The following NEO1 variants were observed in gnomAD, a reference collection of about 807,000 sequenced individuals.
NEO1 encodes the protein neogenin.
In NEO1, 63 loss-of-function variants were observed where a neutral mutation model predicts 159.7. The ratio of observed to expected loss-of-function variants is 0.39; its 90% CI spans 0.32 to 0.49. The LOEUF is 0.49. Ranked by LOEUF, NEO1 falls within the 20% of genes least tolerant of loss-of-function variation. NEO1 has a pLI of 0.85. For synonymous variants in NEO1, 633 were observed against 662.0 expected (o/e 0.96, Z 0.67); for missense variants, 1,615 against 1,831.0 (o/e 0.88, Z 2.15).
intron 7 of NEO1, among the ~76,000 whole-genome samples, chr15:73,184,133 A>G (rs930311324): frequency 3.3e-5 from 5 of 152,152 alleles, no homozygotes; most frequent in East Asian, 1.9e-4. Context: ...TTCATTCTTT[A>G]TATACCTTTT....
intron 7 of NEO1, among the ~76,000 whole-genome samples, chr15:73,199,284 C>G (rs968076457): frequency 6.6e-6 from 1 of 151,550 alleles, no homozygotes; most frequent in Non-Finnish European, 1.5e-5. Flanking sequence ...AGGGCACATG[C>G]TCTCAACGTG....
intron 16 of NEO1, among the ~76,000 whole-genome samples, chr15:73,266,691 T>C (rs954156789): frequency 6.6e-6 from 1 of 152,128 alleles, no homozygotes; most frequent in Non-Finnish European, 1.5e-5. Flanking sequence ...TTTAGATAAT[T>C]AAAAGTGATT....
chr15:73,230,671 G>A (rs1270932505), intron 7 of NEO1, among the ~76,000 whole-genome samples: 1 of 152,102 alleles, frequency 6.6e-6, no homozygotes, highest in Admixed American at 6.5e-5. Context: ...ACCCACTGCA[G>A]CCTCAACCTC....
At chr15:73,205,783 T>G (rs1439129956) in intron 7 of NEO1, among the ~76,000 whole-genome samples, 1 of 152,236 alleles carries the variant, frequency 6.6e-6, no homozygotes, top group Non-Finnish European at 1.5e-5. Context: ...AGGAAAGTCA[T>G]TCATTTTCAA....
At chr15:73,195,127 A>C (rs2036465611) in intron 7 of NEO1, among the ~76,000 whole-genome samples, 1 of 152,244 alleles carries the variant, frequency 6.6e-6, no homozygotes, top group South Asian at 2.1e-4. Context: ...AAAGTCCTGC[A>C]GATGACCTTT....
At chr15:73,295,602 A>T (rs1418018239) in intron 26 of NEO1, among the ~76,000 whole-genome samples, 1 of 152,124 alleles carries the variant, frequency 6.6e-6, no homozygotes, top group Non-Finnish European at 1.5e-5. Context: ...GAGAGAGGCC[A>T]TGCTTTGATG....
chr15:73,301,198 A>C, intron 27 of NEO1, 123 bp from the exon 28 acceptor site: 1 of 1,246,192 alleles, frequency 8.0e-7, no homozygotes, highest in African/African-American at 1.5e-5. Flanking sequence ...TTTTCAGAGC[A>C]GTATCCCTGC....
intron 7 of NEO1, among the ~76,000 whole-genome samples, chr15:73,205,528 G>C (rs2037160950): frequency 6.6e-6 from 1 of 152,158 alleles, no homozygotes. Flanking sequence ...TTCCTGGAGG[G>C]AATGTCCACA....
intron 5 of NEO1, among the ~76,000 whole-genome samples, chr15:73,141,862 A>G (rs989921432): frequency 1.3e-5 from 2 of 152,156 alleles, no homozygotes; most frequent in African/African-American, 4.8e-5. Context: ...ATAAAAAGCA[A>G]ATTCCTTATG....
At chr15:73,236,695 T>C (rs1478768206) in intron 8 of NEO1, among the ~76,000 whole-genome samples, 189 bp downstream of exon 8, 1 of 152,190 alleles carries the variant, frequency 6.6e-6, no homozygotes, top group Non-Finnish European at 1.5e-5. Flanking sequence ...GTCTCTCCTT[T>C]TCTGGGATGA....
At chr15:73,179,243 A>G (rs1013341380) in intron 7 of NEO1, among the ~76,000 whole-genome samples, 59 of 152,308 alleles carry the variant, frequency 3.9e-4, no homozygotes, top group African/African-American at 1.4e-3. Context: ...TAGACAATAT[A>G]AGAATGGCAA....
chr15:73,253,019 A>G (rs957362039), intron 11 of NEO1, among the ~76,000 whole-genome samples: 1 of 152,104 alleles, frequency 6.6e-6, no homozygotes, highest in Non-Finnish European at 1.5e-5. Flanking sequence ...ACAAAAAGAT[A>G]AACCATCACC....
chr15:73,053,341 C>T (rs1294830641), intron 1 of NEO1, among the ~76,000 whole-genome samples: 4 of 152,064 alleles, frequency 2.6e-5, no homozygotes, highest in Admixed American at 6.5e-5. Flanking sequence ...TGCGGAAGAG[C>T]GGGGGTGTCA....
chr15:73,058,765 T>C (rs1296726954), intron 1 of NEO1, among the ~76,000 whole-genome samples: 1 of 152,210 alleles, frequency 6.6e-6, no homozygotes, highest in Non-Finnish European at 1.5e-5. Context: ...AAGGTTAAGC[T>C]AATTAATAAG....
chr15:73,210,912 GTGTTC>G lies in NEO1; in HGVS notation c.1292-25430_1292-25426del, dbSNP rs141205379. Among the ~76,000 whole-genome samples, 5 of 152,248 alleles carry G rather than the reference GTGTTC, an allele frequency of 3.3e-5. No individual in the cohort carries two copies. In the East Asian group the frequency reaches 9.6e-4, roughly 29 times the overall value. On this transcript the variant is annotated intron_variant, in intron 7 of 28. Coordinates refer to ENST00000261908, the MANE Select transcript of NEO1 (RefSeq NM_002499.4). Reference sequence around the variant, plus strand: ...CCAAAATTAACATTTTTGTTTGTAAGTGTTCTGTTAGTTTTTAGTCATTGAAGAAG... The same window carrying G: ...CCAAAATTAACATTTTTGTTTGTAAGTGTTAGTTTTTAGTCATTGAAGAAG...
rs1567230449 is a variant in NEO1, at chr15:73,117,185, T to C, written c.448+328T>C. Among the ~76,000 whole-genome samples, 5 of 152,298 alleles carry C rather than the reference T, an allele frequency of 3.3e-5. No homozygotes were observed. The South Asian group carries it at 1.0e-3, about 32-fold the overall frequency. On this transcript the variant is annotated intron_variant, in intron 2 of 28. Transcript: ENST00000261908. ...AAATCACTTTGACGGCCAACTTCTA[T>C]CTTACCCAGCATAACCATTTAGTAT...
chr15:73,145,402 C>T (rs940189883), intron 5 of NEO1, among the ~76,000 whole-genome samples: 13 of 152,190 alleles, frequency 8.5e-5, no homozygotes, highest in African/African-American at 3.1e-4. Flanking sequence ...AAAACTCACA[C>T]ATTCATTGAC....
intron 5 of NEO1, among the ~76,000 whole-genome samples, 186 bp downstream of exon 5, chr15:73,136,213 T>C (rs1361052600): frequency 6.6e-6 from 1 of 152,156 alleles, no homozygotes; most frequent in African/African-American, 2.4e-5. Flanking sequence ...AGGAAACTTA[T>C]TTAATTTCTC....
Position 73,052,709 on chromosome 15 carries a change from A to C in NEO1, c.34A>C (p.Ser12Arg), listed in dbSNP as rs755687487. ...GGAGCGGGGAGCCCGGCGACTCCTC[A>C]GCACCCCCTCCTTCTGGCTCTACTG... ...AAERGARRLL[S>R]TPSFWLYCLL... The change falls in exon 1 of 29, where the codon AGC (serine) becomes CGC (arginine). Residue 12 changes from serine to arginine, a missense_variant. Around this residue, in one of 3 missense-constraint regions of NEO1, gnomAD observed 1,018 missense variants for 1,115.4 expected, o/e 0.91. Coordinates refer to ENST00000261908, the MANE Select transcript of NEO1 (RefSeq NM_002499.4). 7.4e-7 allele frequency: 1 copy of C among 1,359,460 alleles called. No individual in the cohort carries two copies. The highest frequency in any genetic ancestry group is 2.7e-5 in the Admixed American group (1 of 37,048). The allele number at this position is 1,359,460 out of a possible 1,614,324, so 84.2% of individuals were successfully genotyped here.
Sources: gnomAD v4.1 joint callset for allele counts (sites outside exome capture counted in the v4.1 genomes callset) on GRCh38, gnomAD v4.1.1 for gene constraint, gnomAD v4.1.1 regional missense constraint, MANE v1.5 for transcripts, NCBI Gene and HGNC (gene_info 2026-07-23, HGNC 2026-07-21) for gene names.